The following SDK1 variants were observed in gnomAD, a reference collection of about 807,000 sequenced individuals.
SDK1 encodes the protein protein sidekick-1.
In SDK1, 157 loss-of-function variants were observed where a neutral mutation model predicts 245.5. That is an observed-to-expected ratio of 0.64 (90% CI 0.56 to 0.73). The LOEUF (loss-of-function observed/expected upper bound fraction) is 0.73, where lower values mean the gene tolerates loss of function less well. Ranked by LOEUF, SDK1 falls within the 30% of genes least tolerant of loss-of-function variation. The pLI is 0.00. For synonymous variants in SDK1, 1,647 were observed against 1,278.5 expected (o/e 1.29, Z -6.15); for missense variants, 3,583 against 3,002.3 (o/e 1.19, Z -4.52).
At chr7:3,994,060 C>T (rs539265250) in intron 14 of SDK1, among the ~76,000 whole-genome samples, 2 of 152,146 alleles carry the variant, frequency 1.3e-5, no homozygotes, top group African/African-American at 2.4e-5. Context: ...TCTATTTCCC[C>T]TCCTGCCCCT....
Position 3,800,314 on chromosome 7 carries a change from T to A in SDK1, c.714-21136T>A, listed in dbSNP as rs145133361. 3.5e-3 allele frequency among the ~76,000 whole-genome samples: 531 copies of A among 152,300 alleles called. 3 individuals carry two copies. Among genetic ancestry groups the A allele is most frequent in the African/African-American group, 0.012 (515 of 41,534 alleles). ...TATTCATTGGTGAGCATTTCTACCC[T>A]GACTGATGTGTGCTCAGCTACACTA... On this transcript the variant is annotated intron_variant, in intron 4 of 44. Transcript: ENST00000404826.
chr7:3,786,293 A>G (rs746369112), intron 4 of SDK1, among the ~76,000 whole-genome samples: 3 of 152,166 alleles, frequency 2.0e-5, no homozygotes, highest in Non-Finnish European at 2.9e-5. Flanking sequence ...TCTGTTTTCC[A>G]CTTGTTGCAG....
At position 4,012,210 on chromosome 7, in the gene SDK1, G is replaced by A. The variant is rs1207386003; in HGVS notation, c.2395G>A (p.Gly799Arg). Reference sequence around the variant, plus strand: ...GCCACCCCCAGAAACAGAGCACAACGGGGTGTTGCGTGGATACATCCTCAG... The same window carrying A: ...GCCACCCCCAGAAACAGAGCACAACAGGGTGTTGCGTGGATACATCCTCAG... ...WQPPPETEHN[G>R]VLRGYILRYR... The change falls in exon 16 of 45, where the codon GGG becomes AGG. Residue 799 changes from glycine (G) to arginine (R), a missense_variant. By Grantham distance (125) the Gly-to-Arg change is moderately radical (BLOSUM62 -2). Transcript: ENST00000404826. 3.2e-6 allele frequency: 5 copies of A among 1,546,284 alleles called. No homozygotes were observed. Among genetic ancestry groups the A allele is most frequent in the East Asian group, 2.5e-5 (1 of 39,686 alleles).
intron 4 of SDK1, among the ~76,000 whole-genome samples, chr7:3,660,963 G>C (rs1455161411): frequency 6.6e-6 from 1 of 152,214 alleles, no homozygotes; most frequent in African/African-American, 2.4e-5. Context: ...AGTTTAATGA[G>C]TGAAGCAATT....
chr7:3,731,361 C>T (rs1013471390), intron 4 of SDK1, among the ~76,000 whole-genome samples: 9 of 152,186 alleles, frequency 5.9e-5, no homozygotes, highest in East Asian at 1.9e-4. Flanking sequence ...AGGCGAGCCC[C>T]GGGACCGTGC....
chr7:3,706,606 G>C (rs988826675), intron 4 of SDK1, among the ~76,000 whole-genome samples: 11 of 152,154 alleles, frequency 7.2e-5, no homozygotes, highest in South Asian at 2.1e-4. Context: ...GTTTCACCAT[G>C]TTAGCCAGGA....
At chr7:4,190,286 A>G (rs1783119020) in intron 35 of SDK1, among the ~76,000 whole-genome samples, 3 of 152,200 alleles carry the variant, frequency 2.0e-5, no homozygotes, top group Admixed American at 6.5e-5. Flanking sequence ...CTGCGGCCAC[A>G]GTCTCTCCAA....
chr7:4,141,261 A>G (rs1403570452), intron 28 of SDK1, among the ~76,000 whole-genome samples: 2 of 152,224 alleles, frequency 1.3e-5, no homozygotes, highest in Non-Finnish European at 2.9e-5. Flanking sequence ...AGGTGGGGCC[A>G]TTGATAGAAA....
intron 1 of SDK1, among the ~76,000 whole-genome samples, chr7:3,606,293 G>A (rs1015383309): frequency 6.6e-6 from 1 of 152,152 alleles, no homozygotes. Flanking sequence ...ACTGCAACCA[G>A]TTTACCAAAT....
In SDK1 at chr7:4,267,806, T is replaced by G. The variant is rs949439283; in HGVS notation, c.*2422T>G. On this transcript the variant is annotated 3_prime_UTR_variant, in exon 45 of 45. Coordinates refer to ENST00000404826, the MANE Select transcript of SDK1 (RefSeq NM_152744.4). ...AAACCTTGATCTGTACGGAGCGGCCTGTCCGAGGCTACGCCGGCCTCCTGG... is the reference window on the plus strand; with the variant it reads ...AAACCTTGATCTGTACGGAGCGGCCGGTCCGAGGCTACGCCGGCCTCCTGG... 2 of 985,518 alleles carry G rather than the reference T, an allele frequency of 2.0e-6. No homozygotes were observed. The highest frequency in any genetic ancestry group is 1.7e-5 in the African/African-American group (1 of 57,264). 61.0% of individuals were successfully genotyped at this position (985,518 alleles called of 1,614,324 possible).
At chr7:4,125,217 AGATG>A (rs1032425406) in intron 25 of SDK1, among the ~76,000 whole-genome samples, 3 of 127,494 alleles carry the variant, frequency 2.4e-5, no homozygotes, top group Non-Finnish European at 3.3e-5. Flanking sequence ...ATGGATGGGT[AGATG>A]GATAGATGGA....
intron 17 of SDK1, among the ~76,000 whole-genome samples, chr7:4,032,999 A>T (rs1787943625): frequency 6.7e-6 from 1 of 150,146 alleles, no homozygotes; most frequent in African/African-American, 2.5e-5. Context: ...AAATGAGCAA[A>T]AATAGTCAGG....
intron 4 of SDK1, among the ~76,000 whole-genome samples, chr7:3,742,905 C>A (rs1188209272): frequency 2.0e-5 from 3 of 152,074 alleles, no homozygotes; most frequent in Non-Finnish European, 2.9e-5. Context: ...AAGCAAAGAA[C>A]CAAACAAACA....
At chr7:3,614,088 A>T (rs1203618049) in intron 1 of SDK1, among the ~76,000 whole-genome samples, 1 of 152,296 alleles carries the variant, frequency 6.6e-6, no homozygotes. Flanking sequence ...AAGTTTACCT[A>T]TGTAACAAAC....
At chr7:3,692,199 C>G (rs990584294) in intron 4 of SDK1, among the ~76,000 whole-genome samples, 6 of 151,826 alleles carry the variant, frequency 4.0e-5, no homozygotes, top group African/African-American at 1.2e-4. Context: ...TCCATTTTTT[C>G]TTAAAAAATT....
At chr7:3,867,194 G>C (rs1482789089) in intron 5 of SDK1, among the ~76,000 whole-genome samples, 2 of 152,100 alleles carry the variant, frequency 1.3e-5, no homozygotes, top group African/African-American at 4.8e-5. Flanking sequence ...AATTGACCTT[G>C]GCCAGTTTTG....
intron 7 of SDK1, chr7:3,958,361 C>T (rs12701311): frequency 0.28 from 66,009 of 234,032 alleles, 9,987 homozygotes; most frequent in Middle Eastern, 0.36. Flanking sequence ...AGTGGAGTAT[C>T]GAGAGATTGC....
At chr7:3,363,369 T>A (rs1781004651) in intron 1 of SDK1, among the ~76,000 whole-genome samples, 1 of 152,182 alleles carries the variant, frequency 6.6e-6, no homozygotes, top group South Asian at 2.1e-4. Flanking sequence ...CATTCACCTA[T>A]TAAAGACATC....
intron 28 of SDK1, among the ~76,000 whole-genome samples, chr7:4,144,360 G>A (rs1050533081): frequency 1.3e-5 from 2 of 151,696 alleles, no homozygotes; most frequent in African/African-American, 4.8e-5. Flanking sequence ...CCACTCTGGG[G>A]GCCTAAGTTC....
Sources: allele counts gnomAD v4.1 joint callset (sites outside exome capture counted in the v4.1 genomes callset), GRCh38; gene constraint gnomAD v4.1.1; transcripts MANE v1.5; gene names NCBI Gene and HGNC (gene_info 2026-07-23, HGNC 2026-07-21).